CLEC20A: variants seen among roughly 807,000 people sequenced by gnomAD.
CLEC20A encodes the protein C-type lectin domain containing 20A.
At chr1:178,479,985 T>A (rs1208472942) in intron 7 of CLEC20A, 1 of 152,236 alleles carries the variant, frequency 6.6e-6, no homozygotes, top group South Asian at 2.1e-4. Context: ...TCTCTAAGGA[T>A]TGGGCCTGGC....
chr1:178,498,380 C>A (rs1649448750), upstream of CLEC20A, among the ~76,000 whole-genome samples: 1 of 151,896 alleles, frequency 6.6e-6, no homozygotes, highest in African/African-American at 2.4e-5. Context: ...TTGTTTGTGC[C>A]CAGGAATTTG....
At chr1:178,490,047 C>G (rs896899932) in intron 4 of CLEC20A, 25 bp downstream of exon 4, 2 of 398,602 alleles carry the variant, frequency 5.0e-6, no homozygotes, top group South Asian at 2.5e-4. Context: ...GGGCCGAGGG[C>G]CAGCAAGAGC....
At chr1:178,497,483 C>T (rs1649427689), upstream of CLEC20A, among the ~76,000 whole-genome samples, 2 of 152,240 alleles carry the variant, frequency 1.3e-5, no homozygotes, top group Admixed American at 6.5e-5. Flanking sequence ...GAAGGAAGGA[C>T]TTCATGCTCA....
chr1:178,496,843 C>T, intron 1 of CLEC20A, 57 bp downstream of exon 1: 2 of 398,730 alleles, frequency 5.0e-6, no homozygotes, highest in Admixed American at 4.4e-5. Flanking sequence ...CTTCCCTCAG[C>T]CTCTAGCCCG....
At chr1:178,487,582 G>T (rs1008670066) in intron 5 of CLEC20A, among the ~76,000 whole-genome samples, 1 of 152,180 alleles carries the variant, frequency 6.6e-6, no homozygotes, top group East Asian at 1.9e-4. Context: ...ACAATTACAG[G>T]GGGGGATGCT....
chr1:178,485,866 A>C (rs1026971021), intron 5 of CLEC20A, among the ~76,000 whole-genome samples: 1 of 152,200 alleles, frequency 6.6e-6, no homozygotes, highest in Non-Finnish European at 1.5e-5. Flanking sequence ...ATTTATGATT[A>C]ATAAAATGAG....
chr1:178,479,833 AC>A (rs748473553), intron 7 of CLEC20A: 14 of 331,786 alleles, frequency 4.2e-5, no homozygotes, highest in Non-Finnish European at 7.0e-5. Context: ...ATGACAAAGA[AC>A]ACTAAAACAG....
At position 178,492,405 on chromosome 1, in the gene CLEC20A, C is replaced by T. The variant is rs149749798; in HGVS notation, c.463+96G>A. On this transcript the variant is annotated intron_variant, in intron 3 of 7. Transcript: ENST00000623247. Reference sequence around the variant, plus strand: ...GCAGAAATCAGGGGAACAGAGGGGACGCGGGGGTGGAGATCCTGCTGGCTG... The same window carrying T: ...GCAGAAATCAGGGGAACAGAGGGGATGCGGGGGTGGAGATCCTGCTGGCTG... The T allele has an allele frequency of 2.3e-4, 91 of 398,298 alleles. No homozygotes were observed. In the East Asian group the frequency reaches 2.3e-3, roughly 10 times the overall value. 24.7% of individuals were successfully genotyped at this position (398,298 alleles called of 1,614,324 possible). A position where few individuals can be genotyped will look rare whatever the true frequency, so the allele number is the denominator to read the frequency against.
intron 4 of CLEC20A, among the ~76,000 whole-genome samples, chr1:178,488,902 A>G (rs1649213716): frequency 6.6e-6 from 1 of 152,062 alleles, no homozygotes; most frequent in Non-Finnish European, 1.5e-5. Context: ...AGAAACAGAA[A>G]ATAGGTTTGT....
At chr1:178,489,138 G>A (rs1261618302) in intron 4 of CLEC20A, among the ~76,000 whole-genome samples, 1 of 152,116 alleles carries the variant, frequency 6.6e-6, no homozygotes, top group East Asian at 1.9e-4. Context: ...CAAGGCGGGT[G>A]GATCACTTGA....
At chr1:178,486,381 G>A in intron 5 of CLEC20A, 1 of 398,632 alleles carries the variant, frequency 2.5e-6, no homozygotes, top group Non-Finnish European at 4.4e-6. Context: ...TCCCCAAGAT[G>A]CTTGGGCCTG....
chr1:178,483,204 G>C (rs964980402), exon 6 of CLEC20A: 2 of 398,590 alleles, frequency 5.0e-6, no homozygotes, highest in African/African-American at 4.1e-5. Flanking sequence ...TTTTTCTTTA[G>C]ATTCTGAACT....
intron 5 of CLEC20A, chr1:178,484,038 T>C (rs1649067067): frequency 6.6e-6 from 1 of 152,250 alleles, no homozygotes; most frequent in Non-Finnish European, 1.5e-5. Context: ...CTTTAAAGGC[T>C]GCATAGTAGT....
At chr1:178,494,391 C>G (rs936558735) in intron 2 of CLEC20A, 63 bp downstream of exon 2, 12 of 399,246 alleles carry the variant, frequency 3.0e-5, no homozygotes, top group African/African-American at 2.5e-4. Flanking sequence ...TGCACTCCAG[C>G]CTGGGCAACA....
intron 1 of CLEC20A, among the ~76,000 whole-genome samples, chr1:178,495,027 A>G (rs1558030138): frequency 6.6e-6 from 1 of 151,908 alleles, no homozygotes; most frequent in East Asian, 1.9e-4. Flanking sequence ...AGCTCCCTCA[A>G]TCCACGATTC....
intron 7 of CLEC20A, chr1:178,481,209 A>G (rs1308080221): frequency 6.6e-6 from 1 of 152,160 alleles, no homozygotes; most frequent in Admixed American, 6.5e-5. Flanking sequence ...TTTTATTATA[A>G]TTTGTAAATT....
downstream of CLEC20A, chr1:178,478,863 G>T (rs1434227236): frequency 1.3e-5 from 2 of 152,170 alleles, no homozygotes; most frequent in Non-Finnish European, 2.9e-5. Flanking sequence ...TCAGACTAAA[G>T]TTGCTACTAT....
intron 5 of CLEC20A, chr1:178,486,946 G>A (rs1250407221): frequency 7.6e-6 from 3 of 397,078 alleles, no homozygotes; most frequent in Non-Finnish European, 1.3e-5. Flanking sequence ...GGAAGCGCGC[G>A]AGTAGGAGGT....
upstream of CLEC20A, among the ~76,000 whole-genome samples, chr1:178,498,753 AAG>A (rs1044225389): frequency 6.6e-6 from 1 of 152,186 alleles, no homozygotes; most frequent in African/African-American, 2.4e-5. Flanking sequence ...CCTAAGGGCG[AAG>A]ACTTTCAGGA....
Sources: allele counts gnomAD v4.1 joint callset (sites outside exome capture counted in the v4.1 genomes callset), GRCh38; gene constraint gnomAD v4.1.1; transcripts MANE v1.5; gene names NCBI Gene and HGNC (gene_info 2026-07-23, HGNC 2026-07-21).